The following IMPDH2 variants were observed in gnomAD, a reference collection of about 807,000 sequenced individuals.
IMPDH2 encodes the protein inosine-5'-monophosphate dehydrogenase 2.
IMPDH2 carries 33 observed loss-of-function variants against 57.8 expected under a neutral mutation model. The observed-to-expected ratio is 0.57, with a 90% CI of 0.43 to 0.76. IMPDH2 has a LOEUF of 0.76. Among genes scored for constraint, IMPDH2 ranks in the 30% least tolerant of loss-of-function variants. The pLI is 0.00. For missense variants in IMPDH2, 446 were observed against 659.1 expected, an observed-to-expected ratio of 0.68 and a Z score of 3.54; for synonymous variants, 270 against 241.3, an observed-to-expected ratio of 1.12 and a Z score of -1.10.
At position 49,026,803 on chromosome 3, in the gene IMPDH2, G is replaced by A. The variant is rs185852634; in HGVS notation, c.703C>T (p.Leu235=). 6.2e-6 allele frequency: 10 copies of A among 1,614,238 alleles called. No homozygotes were observed. Among genetic ancestry groups the A allele is most frequent in the Non-Finnish European group, 8.5e-6 (10 of 1,180,044 alleles). ...TGTTTCTTGGCATCTTTGGAGGCTAGTGGGTAGTCCCGATTCTTCTTCAGG... is the reference window on the plus strand; with the variant it reads ...TGTTTCTTGGCATCTTTGGAGGCTAATGGGTAGTCCCGATTCTTCTTCAGG... ...TDLKKNRDYP[L]ASKDAKKQLL... Residue 235 remains leucine, a synonymous_variant, in exon 7 of 14, where the codon CTA becomes TTA. Transcript: ENST00000326739.
Position 49,026,825 on chromosome 3 carries a change from C to A in IMPDH2, c.681G>T (p.Leu227=). The A allele has an allele frequency of 6.2e-7, 1 of 1,614,240 alleles. No individual in the cohort carries two copies. The highest frequency in any genetic ancestry group is 1.1e-5 in the South Asian group (1 of 91,088). Residue 227 remains leucine, a synonymous_variant, in exon 7 of 14, where the codon CTG becomes CTT. Coordinates refer to ENST00000326739, the MANE Select transcript of IMPDH2 (RefSeq NM_000884.3). ...ELVAIIARTD[L]KKNRDYPLAS... Reference sequence around the variant, plus strand: ...CTAGTGGGTAGTCCCGATTCTTCTTCAGGTCTGTCCGGGCAATGATGGCCA... The same window carrying A: ...CTAGTGGGTAGTCCCGATTCTTCTTAAGGTCTGTCCGGGCAATGATGGCCA...
chr3:49,028,525 G>A lies in IMPDH2; in HGVS notation c.155C>T (p.Thr52Ile). The change falls in exon 3 of 14, where the codon ACT (threonine) becomes ATT (isoleucine). Residue 52 changes from threonine (T) to isoleucine (I), a missense_variant. Coordinates refer to ENST00000326739, the MANE Select transcript of IMPDH2 (RefSeq NM_000884.3). ...AGTGATTTTCTTGGTCAGAGCAGAA[G>A]TCAGGTCCTGAGGAGACAAACGTCA... ...IDFTADQVDL[T>I]SALTKKITLK... is the part of the protein sequence containing the mutation. The A allele has an allele frequency of 1.9e-6, 3 of 1,613,184 alleles. No individual in the cohort carries two copies. The highest frequency in any genetic ancestry group is 2.5e-6 in the Non-Finnish European group (3 of 1,179,156).
chr3:49,024,823 A>T, intron 11 of IMPDH2, 21 bp from the exon 12 acceptor site: 1 of 1,614,166 alleles, frequency 6.2e-7, no homozygotes, highest in Non-Finnish European at 8.5e-7. Flanking sequence ...AGGCAGAGAC[A>T]CGGGCAAGGT....
At chr3:49,025,575 T>C (rs1263879113) in intron 9 of IMPDH2, among the ~76,000 whole-genome samples, 25 of 151,884 alleles carry the variant, frequency 1.6e-4, no homozygotes, top group Admixed American at 1.6e-3. Flanking sequence ...GGGGCAGGAG[T>C]CACCGTGCAG....
Position 49,024,652 on chromosome 3 carries a change from A to G in IMPDH2, c.1439+7T>C, listed in dbSNP as rs773852341. On this transcript the variant is annotated splice_region_variant and intron_variant, in intron 12 of 13. Coordinates refer to ENST00000326739, the MANE Select transcript of IMPDH2 (RefSeq NM_000884.3). Reference sequence around the variant, plus strand: ...CCTCTACCCATGTCCCAGCTCCCCAAGCTCACCGGACTTGGGTCAAGCTCT... The same window carrying G: ...CCTCTACCCATGTCCCAGCTCCCCAGGCTCACCGGACTTGGGTCAAGCTCT... 8.7e-6 allele frequency: 14 copies of G among 1,614,064 alleles called. No homozygotes were observed. The South Asian group carries it at 9.9e-5, about 11-fold the overall frequency.
intron 1 of IMPDH2, 23 bp downstream of exon 1, chr3:49,029,230 A>G (rs376681313): frequency 1.3e-6 from 2 of 1,561,502 alleles, no homozygotes; most frequent in Non-Finnish European, 8.7e-7. Flanking sequence ...CTCTTCGCCC[A>G]GGTGAGCCCC....
In IMPDH2 at chr3:49,026,995, T is replaced by C; in HGVS notation, c.584A>G (p.Lys195Arg). The part of the protein sequence containing the change: ...LVVAPAGITL[K>R]EANEILQRSK... ...GCGCTGCAGAATTTCATTTGCCTCC[T>C]TCAGTGTGATGCCTGCAGGGGCTAC... Residue 195 changes from lysine to arginine, a missense_variant, in exon 6 of 14, where the codon AAG becomes AGG. Coordinates refer to ENST00000326739, the MANE Select transcript of IMPDH2 (RefSeq NM_000884.3). 2 of 1,614,152 alleles carry C rather than the reference T, an allele frequency of 1.2e-6. No individual in the cohort carries two copies. The highest frequency in any genetic ancestry group is 2.2e-5 in the South Asian group (2 of 91,084).
Position 49,026,827 on chromosome 3 carries a change from G to C in IMPDH2, c.679C>G (p.Leu227Val). Reference sequence around the variant, plus strand: ...AGTGGGTAGTCCCGATTCTTCTTCAGGTCTGTCCGGGCAATGATGGCCACA... The same window carrying C: ...AGTGGGTAGTCCCGATTCTTCTTCACGTCTGTCCGGGCAATGATGGCCACA... ...ELVAIIARTD[L>V]KKNRDYPLAS... Residue 227 changes from leucine (L) to valine (V), a missense_variant, in exon 7 of 14, where the codon CTG (leucine) becomes GTG (valine). Physicochemically the swap from Leu to Val is conservative, Grantham distance 32. Coordinates refer to ENST00000326739, the MANE Select transcript of IMPDH2 (RefSeq NM_000884.3). 2 of 1,614,218 alleles carry C rather than the reference G, an allele frequency of 1.2e-6. No individual in the cohort carries two copies. Among genetic ancestry groups the C allele is most frequent in the Non-Finnish European group, 1.7e-6 (2 of 1,180,038 alleles).
At chr3:49,025,312 G>A in intron 9 of IMPDH2, 43 bp from the exon 10 acceptor site, 1 of 1,610,910 alleles carries the variant, frequency 6.2e-7, no homozygotes, top group Non-Finnish European at 8.5e-7. Flanking sequence ...GGTTAATGGG[G>A]ACGGGCAGTG....
rs546455744 is a variant in IMPDH2 at position 49,026,245 on chromosome 3, C to T, written c.1006+79G>A. On this transcript the variant is annotated intron_variant, in intron 9 of 13. Coordinates refer to ENST00000326739, the MANE Select transcript of IMPDH2 (RefSeq NM_000884.3). ...GCCCCTATTGGAGGGCTCTATTGTC[C>T]CCATAAGAGTGCTTGGTTCCAAGGT... 7.4e-6 allele frequency: 8 copies of T among 1,078,942 alleles called. No individual in the cohort carries two copies. The East Asian group carries it at 2.1e-4, about 28-fold the overall frequency. 66.8% of individuals were successfully genotyped at this position (1,078,942 alleles called of 1,614,324 possible). A position where few individuals can be genotyped will look rare whatever the true frequency, so the allele number is the denominator to read the frequency against.
chr3:49,027,185 G>A (rs1199040927), intron 5 of IMPDH2, 138 bp from the exon 6 acceptor site: 12 of 707,486 alleles, frequency 1.7e-5, no homozygotes, highest in East Asian at 7.8e-5. Flanking sequence ...TAGTAGAGAC[G>A]GGGTTTCACC....
Position 49,028,420 on chromosome 3 carries a change from A to C in IMPDH2, c.249+11T>G. 6.2e-7 allele frequency: 1 copy of C among 1,610,434 alleles called. No individual in the cohort carries two copies. Among genetic ancestry groups the C allele is most frequent in the Non-Finnish European group, 8.5e-7 (1 of 1,176,678 alleles). ...GTCCTTGCTCCTTCCCCCACACCCC[A>C]TGGGGCTCACCGCCATTGCTATGGC... On this transcript the variant is annotated intron_variant, in intron 3 of 13. Coordinates refer to ENST00000326739, the MANE Select transcript of IMPDH2 (RefSeq NM_000884.3).
Position 49,025,117 on chromosome 3 carries a change from G to A in IMPDH2, c.1150+9C>T, listed in dbSNP as rs199848679. 1.2e-5 allele frequency: 19 copies of A among 1,614,056 alleles called. No homozygotes were observed. Among genetic ancestry groups the A allele is most frequent in the Non-Finnish European group, 1.4e-5 (17 of 1,180,028 alleles). ...GGTCCCACTGGCCTTCACGGGTACT[G>A]GGCCTCACCTGTGGAGGCCCCAAGG... On this transcript the variant is annotated intron_variant, in intron 10 of 13. Transcript: ENST00000326739.
rs928327349 is a variant in IMPDH2, at chr3:49,024,479, G to A, written c.1523+16C>T. 1.2e-6 allele frequency: 2 copies of A among 1,614,032 alleles called. No individual in the cohort carries two copies. The highest frequency in any genetic ancestry group is 1.3e-5 in the African/African-American group (1 of 74,934). On this transcript the variant is annotated intron_variant, in intron 13 of 13. Coordinates refer to ENST00000326739, the MANE Select transcript of IMPDH2 (RefSeq NM_000884.3). ...TGAGGTATGGCAGAGGCCCCACCAA[G>A]GACAGGGTGACTTACGAATGGAGGC...
intron 12 of IMPDH2, 27 bp from the exon 13 acceptor site, chr3:49,024,605 G>A: frequency 6.2e-7 from 1 of 1,614,138 alleles, no homozygotes; most frequent in Non-Finnish European, 8.5e-7. Context: ...GTCAAATGTG[G>A]GTAGCTGGCC....
intron 4 of IMPDH2, 119 bp downstream of exon 4, chr3:49,028,129 G>GT: frequency 3.2e-6 from 3 of 937,410 alleles, no homozygotes; most frequent in Non-Finnish European, 5.1e-6. Context: ...GGTCTTCTCA[G>GT]TAACTGAACC....
Position 49,025,286 on chromosome 3 carries a change from A to AC in IMPDH2, c.1007-18dup. Reference sequence around the variant, plus strand: ...AGGCCAGCACTGTTGAGATGGAGGAACACATGGGTGGATAGGGTTAATGGG... The same window carrying AC: ...AGGCCAGCACTGTTGAGATGGAGGAACCACATGGGTGGATAGGGTTAATGGG... On this transcript the variant is annotated splice_polypyrimidine_tract_variant and intron_variant, in intron 9 of 13. Coordinates refer to ENST00000326739, the MANE Select transcript of IMPDH2 (RefSeq NM_000884.3). 1 of 1,614,160 alleles carries AC rather than the reference A, an allele frequency of 6.2e-7. No homozygotes were observed. Among genetic ancestry groups the AC allele is most frequent in the Non-Finnish European group, 8.5e-7 (1 of 1,180,002 alleles).
rs1350617500 is a variant in IMPDH2, at chr3:49,024,940, G to A, written c.1251C>T (p.Leu417=). The stretch of plus-strand genomic sequence containing the variant: ...TGCTGAGGTGCTTGTCCATGGCATC[G>A]AGAGAACCCATACCGCGATATTTCT... The part of the protein sequence containing the change: ...RLKKYRGMGS[L]DAMDKHLSSQ... The change falls in exon 11 of 14, where the codon CTC becomes CTT. Residue 417 remains leucine, a synonymous_variant. Coordinates refer to ENST00000326739, the MANE Select transcript of IMPDH2 (RefSeq NM_000884.3). 18 of 1,614,088 alleles carry A rather than the reference G, an allele frequency of 1.1e-5. No homozygotes were observed. Among genetic ancestry groups the A allele is most frequent in the South Asian group, 1.1e-5 (1 of 91,090 alleles).
chr3:49,027,678 G>C (rs762952151), intron 5 of IMPDH2, 32 bp downstream of exon 5: 3 of 1,582,740 alleles, frequency 1.9e-6, no homozygotes, highest in South Asian at 1.1e-5. Flanking sequence ...TGGGCTGCTA[G>C]AGCTTGGATC....
Sources: gnomAD v4.1 joint callset for allele counts (sites outside exome capture counted in the v4.1 genomes callset) on GRCh38, gnomAD v4.1.1 for gene constraint, MANE v1.5 for transcripts, NCBI Gene and HGNC (gene_info 2026-07-23, HGNC 2026-07-21) for gene names.